The following GNAO1 variants were observed in gnomAD, a reference collection of about 807,000 sequenced individuals.
GNAO1 encodes guanine nucleotide-binding protein G(o) subunit alpha.
For synonymous variants in GNAO1, 164 were observed against 180.7 expected (o/e 0.91, Z 0.74); for missense variants, 166 against 478.7 (o/e 0.35, Z 6.10).
chr16:56,240,583 G>A lies in GNAO1; in HGVS notation c.162-35348G>A, dbSNP rs142135616. The stretch of plus-strand genomic sequence containing the variant: ...CTTCTCTTGTCTTGAACTTTTATCT[G>A]AGCCTCATATCAGAATCGAATTTTT... On this transcript the variant is annotated intron_variant, in intron 2 of 8. Transcript: ENST00000262493. Among the ~76,000 whole-genome samples the A allele has an allele frequency of 3.5e-4, 53 of 152,222 alleles. 1 individual carries two copies. The East Asian group carries it at 9.9e-3, about 28-fold the overall frequency.
intron 3 of GNAO1, among the ~76,000 whole-genome samples, chr16:56,281,154 G>A (rs1354349476): frequency 6.6e-6 from 1 of 152,154 alleles, no homozygotes; most frequent in Non-Finnish European, 1.5e-5. Flanking sequence ...TGTATACAGT[G>A]TAGACATGGA....
At chr16:56,254,213 A>G (rs2036826262) in intron 2 of GNAO1, among the ~76,000 whole-genome samples, 1 of 152,244 alleles carries the variant, frequency 6.6e-6, no homozygotes, top group East Asian at 1.9e-4. Context: ...CTAGTAATTC[A>G]AATTATATTT....
intron 3 of GNAO1, among the ~76,000 whole-genome samples, chr16:56,297,522 GGT>G (rs10545712): frequency 0.15 from 20,396 of 134,058 alleles, 1,463 homozygotes; most frequent in Non-Finnish European, 0.16. Context: ...TTGTCTAACT[GGT>G]GTGTGTGTGT....
At position 56,311,285 on chromosome 16, in the gene GNAO1, G is replaced by T. The variant is rs1314337576; in HGVS notation, c.304-17346G>T. Reference sequence around the variant, plus strand: ...GGAACCTGAGCCCAGGTGGCATTTGGTGGCCCTGTAGTTTCAGAGAGTGAG... The same window carrying T: ...GGAACCTGAGCCCAGGTGGCATTTGTTGGCCCTGTAGTTTCAGAGAGTGAG... On this transcript the variant is annotated intron_variant, in intron 3 of 8. Coordinates refer to ENST00000262493, the MANE Select transcript of GNAO1 (RefSeq NM_020988.3). This position sits in a 1 kb window ranked among gnomAD's most constrained non-coding sequence, Gnocchi z 5.2. Among the ~76,000 whole-genome samples the T allele has an allele frequency of 3.3e-5, 5 of 152,068 alleles. No homozygotes were observed. The highest frequency in any genetic ancestry group is 1.2e-4 in the African/African-American group (5 of 41,382).
intron 2 of GNAO1, among the ~76,000 whole-genome samples, chr16:56,247,601 A>T (rs202009364): frequency 6.6e-6 from 1 of 151,050 alleles, no homozygotes; most frequent in East Asian, 2.0e-4. Context: ...CATACATAAT[A>T]GGTCCTCAAC....
intron 3 of GNAO1, among the ~76,000 whole-genome samples, chr16:56,289,456 G>A (rs1468306933): frequency 9.8e-5 from 15 of 152,338 alleles, no homozygotes; most frequent in Admixed American, 3.9e-4. Flanking sequence ...CGGAGCCATC[G>A]GGGTGAAGAC....
chr16:56,277,774 C>G (rs1451085279), intron 3 of GNAO1, among the ~76,000 whole-genome samples: 1 of 126,830 alleles, frequency 7.9e-6, no homozygotes, highest in Non-Finnish European at 1.7e-5. Flanking sequence ...AGGCACACCC[C>G]CTACACACAC....
At chr16:56,213,935 C>T (rs1026526801) in intron 2 of GNAO1, among the ~76,000 whole-genome samples, 7 of 152,048 alleles carry the variant, frequency 4.6e-5, no homozygotes, top group Non-Finnish European at 1.0e-4. Flanking sequence ...ATCACAGACT[C>T]GTGTAGACCT....
At chr16:56,281,710 G>A (rs1245751219) in intron 3 of GNAO1, among the ~76,000 whole-genome samples, 1 of 152,064 alleles carries the variant, frequency 6.6e-6, no homozygotes, top group Non-Finnish European at 1.5e-5. Context: ...CCTTAGCCCA[G>A]GGCCTACATC....
At chr16:56,282,262 T>C (rs1212622399) in intron 3 of GNAO1, among the ~76,000 whole-genome samples, 1 of 152,208 alleles carries the variant, frequency 6.6e-6, no homozygotes, top group Non-Finnish European at 1.5e-5. Context: ...TCCTGATACC[T>C]CCCTCATTCA....
rs555791722 is a variant in GNAO1 at position 56,340,638 on chromosome 16, C to T, written c.723+3778C>T. ...GCCCTGCTCCGCCCCGCCCTGCCTG[C>T]GTGTGGAATGAAACAGGACCACGTC... On this transcript the variant is annotated intron_variant, in intron 6 of 8. Coordinates refer to ENST00000262493, the MANE Select transcript of GNAO1 (RefSeq NM_020988.3). The T allele has an allele frequency of 9.9e-5, 62 of 623,288 alleles. No individual in the cohort carries two copies. In the African/African-American group the frequency reaches 1.0e-3, roughly 10 times the overall value. 38.6% of individuals were successfully genotyped at this position (623,288 alleles called of 1,614,324 possible). A position where few individuals can be genotyped will look rare whatever the true frequency, so the allele number is the denominator to read the frequency against.
intron 2 of GNAO1, among the ~76,000 whole-genome samples, chr16:56,208,263 A>G (rs2036348769): frequency 6.6e-6 from 1 of 152,214 alleles, no homozygotes; most frequent in Non-Finnish European, 1.5e-5. Flanking sequence ...GTGAATATTC[A>G]TGAATATGCT....
At chr16:56,247,085 A>C (rs1188819278) in intron 2 of GNAO1, among the ~76,000 whole-genome samples, 1 of 152,034 alleles carries the variant, frequency 6.6e-6, no homozygotes, top group African/African-American at 2.4e-5. Flanking sequence ...TCCACTGTCC[A>C]CCTGACTGCT....
chr16:56,267,036 GAGTCAGGA>G (rs1186934037), intron 2 of GNAO1, among the ~76,000 whole-genome samples: 1 of 152,148 alleles, frequency 6.6e-6, no homozygotes, highest in African/African-American at 2.4e-5. Context: ...GGTATCCCCT[GAGTCAGGA>G]AGCCAGGTCC....
At chr16:56,312,948 C>A (rs2143611326) in intron 3 of GNAO1, among the ~76,000 whole-genome samples, 1 of 152,314 alleles carries the variant, frequency 6.6e-6, no homozygotes, top group Middle Eastern at 3.4e-3. Context: ...CACCTCTGAA[C>A]CTATCTCCTA....
chr16:56,276,599 C>G (rs2037063432), intron 3 of GNAO1: 1 of 153,710 alleles, frequency 6.5e-6, no homozygotes, highest in African/African-American at 2.4e-5. Context: ...AAGTCAGTGT[C>G]CTAGAACAGG....
chr16:56,219,723 G>C (rs575862239), intron 2 of GNAO1, among the ~76,000 whole-genome samples: 98 of 152,120 alleles, frequency 6.4e-4, no homozygotes, highest in African/African-American at 2.3e-3. Context: ...TCCACTTTTT[G>C]TGTGGCTCCT....
At chr16:56,256,780 G>T (rs1055314583) in intron 2 of GNAO1, among the ~76,000 whole-genome samples, 1 of 145,054 alleles carries the variant, frequency 6.9e-6, no homozygotes, top group South Asian at 2.3e-4. Flanking sequence ...TTCTGGATAG[G>T]CTATCCCTAT....
At chr16:56,235,113 C>A (rs1375778891) in intron 2 of GNAO1, 4 of 348,148 alleles carry the variant, frequency 1.1e-5, no homozygotes, top group African/African-American at 8.6e-5. Flanking sequence ...TCACAACTCT[C>A]AGGGTGCAGT....
Sources: allele counts gnomAD v4.1 joint callset (sites outside exome capture counted in the v4.1 genomes callset), GRCh38; gene constraint gnomAD v4.1.1; non-coding constraint Gnocchi (gnomAD v3.1); transcripts MANE v1.5; gene names NCBI Gene and HGNC (gene_info 2026-07-23, HGNC 2026-07-21).